The following ZNF16 variants were observed in gnomAD, a reference collection of about 807,000 sequenced individuals.
ZNF16 encodes zinc finger protein KOX9.
ZNF16 carries 7 observed loss-of-function variants against 9.0 expected under a neutral mutation model. The ratio of observed to expected loss-of-function variants is 0.78; its 90% CI spans 0.44 to 1.47. ZNF16 has a LOEUF of 1.47. Ranked by LOEUF, ZNF16 falls within the 40% of genes most tolerant of loss-of-function variation. The probability of loss-of-function intolerance (pLI) is 0.01; values close to 1 mark genes in which losing one functional copy is unlikely to be tolerated. For missense variants in ZNF16, 830 were observed against 854.2 expected, an observed-to-expected ratio of 0.97 and a Z score of 0.35; for synonymous variants, 312 against 301.5, an observed-to-expected ratio of 1.03 and a Z score of -0.36.
chr8:144,945,883 T>G, intron 2 of ZNF16, 128 bp downstream of exon 2: 2 of 1,463,326 alleles, frequency 1.4e-6, no homozygotes, highest in Non-Finnish European at 1.8e-6. Context: ...CTTGGCTCCT[T>G]GAGTCAGAGT....
rs187794841 is a variant in ZNF16, at chr8:144,950,039, T to C, written c.-10+758A>G. Among the ~76,000 whole-genome samples the C allele has an allele frequency of 2.4e-3, 364 of 152,332 alleles. 3 individuals are homozygous for C. Among genetic ancestry groups the C allele is most frequent in the Middle Eastern group, 0.014 (4 of 294 alleles). ...AGACAGGAGAAAAACTGCCCTATGG[T>C]GAGAGGTGAGACATGTTGGCAGCAA... is the stretch of plus-strand genomic sequence containing the variant. On this transcript the variant is annotated intron_variant, in intron 1 of 2. Coordinates refer to ENST00000394909, the MANE Select transcript of ZNF16 (RefSeq NM_006958.3).
intron 2 of ZNF16, among the ~76,000 whole-genome samples, chr8:144,935,751 C>T (rs1034911897): frequency 1.3e-5 from 2 of 152,178 alleles, no homozygotes; most frequent in Non-Finnish European, 2.9e-5. Flanking sequence ...AAGTCATAAA[C>T]CATGCTTGTG....
In ZNF16 at chr8:144,930,542, A is replaced by G; in HGVS notation, c.*196T>C. 1.8e-6 allele frequency: 1 copy of G among 556,076 alleles called. No homozygotes were observed. Among genetic ancestry groups the G allele is most frequent in the Admixed American group, 3.3e-5 (1 of 30,032 alleles). The allele number at this position is 556,076 out of a possible 1,614,324, so 34.4% of individuals were successfully genotyped here. A position where few individuals can be genotyped will look rare whatever the true frequency, so the allele number is the denominator to read the frequency against. On this transcript the variant is annotated 3_prime_UTR_variant, in exon 3 of 3. Coordinates refer to ENST00000394909, the MANE Select transcript of ZNF16 (RefSeq NM_006958.3). ...AAGCCCAAACCCAAGACATCACAAG[A>G]GGCAAGAGCAGTGGCAGTGAGAAGG...
At chr8:144,941,976 ATTTTT>A (rs1000299480) in intron 2 of ZNF16, among the ~76,000 whole-genome samples, 1 of 92,052 alleles carries the variant, frequency 1.1e-5, no homozygotes. Flanking sequence ...CATTTTTAAG[ATTTTT>A]TTTTTTTTTT....
intron 2 of ZNF16, among the ~76,000 whole-genome samples, chr8:144,934,211 T>TG (rs1258144024): frequency 6.6e-6 from 1 of 152,178 alleles, no homozygotes; most frequent in Non-Finnish European, 1.5e-5. Flanking sequence ...TGCACCCACG[T>TG]GTCTCTTGGT....
Position 144,930,987 on chromosome 8 carries a change from G to A in ZNF16, c.1800C>T (p.Pro600=). ...CCTTACCACATTCAACACAGGTGTAGGGTTTTTCCCCAGTATGAACTTTCT... is the reference window on the plus strand; with the variant it reads ...CCTTACCACATTCAACACAGGTGTAAGGTTTTTCCCCAGTATGAACTTTCT... ...HHQKVHTGEK[P]YTCVECGKGF... The change falls in exon 3 of 3, where the codon CCC becomes CCT. Residue 600 remains proline (P), a synonymous_variant. Coordinates refer to ENST00000394909, the MANE Select transcript of ZNF16 (RefSeq NM_006958.3). The A allele has an allele frequency of 6.2e-7, 1 of 1,614,210 alleles. No homozygotes were observed. Among genetic ancestry groups the A allele is most frequent in the South Asian group, 1.1e-5 (1 of 91,088 alleles).
At chr8:144,942,979 C>G (rs1019106736) in intron 2 of ZNF16, among the ~76,000 whole-genome samples, 5 of 152,206 alleles carry the variant, frequency 3.3e-5, no homozygotes, top group African/African-American at 1.2e-4. Flanking sequence ...GTCTAGTGTT[C>G]TTTCATTTCA....
chr8:144,931,476 G>T lies in ZNF16; in HGVS notation c.1311C>A (p.Asp437Glu). The change falls in exon 3 of 3, where the codon GAC becomes GAA. Residue 437 changes from aspartate to glutamate, a missense_variant. Physicochemically the swap from Asp to Glu is conservative, Grantham distance 45. Transcript: ENST00000394909. ...HTGEKPYKCS[D>E]CGKAFSQSSS... ...AGCTCTGACTAAATGCTTTCCCACA[G>T]TCACTGCACTTATAGGGCTTCTCTC... The T allele has an allele frequency of 6.2e-7, 1 of 1,613,476 alleles. No homozygotes were observed. The highest frequency in any genetic ancestry group is 8.5e-7 in the Non-Finnish European group (1 of 1,179,840).
intron 2 of ZNF16, among the ~76,000 whole-genome samples, chr8:144,936,862 G>A (rs898716611): frequency 7.2e-5 from 11 of 151,766 alleles, no homozygotes; most frequent in Non-Finnish European, 2.9e-5. Context: ...TCCCAGCTAA[G>A]TTTTGTATTT....
At chr8:144,938,382 T>C (rs958183806) in intron 2 of ZNF16, among the ~76,000 whole-genome samples, 2 of 152,252 alleles carry the variant, frequency 1.3e-5, no homozygotes, top group African/African-American at 4.8e-5. Flanking sequence ...TGTCTTCCAA[T>C]TCATGAACAC....
intron 1 of ZNF16, among the ~76,000 whole-genome samples, chr8:144,947,469 A>G (rs1833992824): frequency 6.6e-6 from 1 of 152,172 alleles, no homozygotes; most frequent in Non-Finnish European, 1.5e-5. Context: ...TGGGCAGGCC[A>G]GACCCACCTA....
At position 144,932,430 on chromosome 8, in the gene ZNF16, TC is replaced by T; in HGVS notation, c.356del (p.Gly119GlufsTer30). 2 of 1,614,162 alleles carry T rather than the reference TC, an allele frequency of 1.2e-6. No homozygotes were observed. The highest frequency in any genetic ancestry group is 1.1e-5 in the South Asian group (1 of 91,080). ...LCDDVSERDW[G>X]VPEGRRLPQS... ...GTGGCAGCCTCCTGCCTTCGGGGAC[TC>T]CCCAGTCTCTTTCTGATACATCATC... On this transcript the variant is annotated frameshift_variant, in exon 3 of 3. Coordinates refer to ENST00000394909, the MANE Select transcript of ZNF16 (RefSeq NM_006958.3). LOFTEE classifies it low-confidence loss of function (END_TRUNC). This position sits in a 1 kb window ranked among gnomAD's most constrained non-coding sequence, Gnocchi z 5.0.
At chr8:144,935,771 C>T (rs1326024582) in intron 2 of ZNF16, among the ~76,000 whole-genome samples, 2 of 152,184 alleles carry the variant, frequency 1.3e-5, no homozygotes, top group East Asian at 1.9e-4. Flanking sequence ...GTGAATGCCA[C>T]GTGTGGCTGT....
rs113708793 is a variant in ZNF16, at chr8:144,931,324, G to A, written c.1463C>T (p.Pro488Leu). The change falls in exon 3 of 3, where the codon CCG (proline) becomes CTG (leucine). Residue 488 changes from proline (P) to leucine (L), a missense_variant. Physicochemically the swap from Pro to Leu is moderately conservative, Grantham distance 98. Coordinates refer to ENST00000394909, the MANE Select transcript of ZNF16 (RefSeq NM_006958.3). ...CTTCCCACAGACACTGCATCTGTAC[G>A]GCTTCTCTCCCGTGTGGATGATCTG... ...KHQIIHTGEK[P>L]YRCSVCGKAF... 31 of 1,614,084 alleles carry A rather than the reference G, an allele frequency of 1.9e-5. No homozygotes were observed. Among genetic ancestry groups the A allele is most frequent in the South Asian group, 4.4e-5 (4 of 91,090 alleles).
At chr8:144,945,970 C>T in intron 2 of ZNF16, 41 bp downstream of exon 2, 1 of 1,608,386 alleles carries the variant, frequency 6.2e-7, no homozygotes, top group Non-Finnish European at 8.5e-7. Context: ...ACATCACTTC[C>T]CCAGAATAAG....
chr8:144,940,686 T>C lies in ZNF16; in HGVS notation c.196+5325A>G, dbSNP rs541228956. ...CTTCTTTTCTGAATGGAGTATTTTA[T>C]ATACTTCTGTCTTAGCCCATTTGGG... is the stretch of plus-strand genomic sequence containing the variant. On this transcript the variant is annotated intron_variant, in intron 2 of 2. Transcript: ENST00000394909. Among the ~76,000 whole-genome samples the C allele has an allele frequency of 1.3e-4, 20 of 152,368 alleles. No homozygotes were observed. The South Asian group carries it at 3.7e-3, about 28-fold the overall frequency.
At chr8:144,936,115 T>G (rs980259773) in intron 2 of ZNF16, among the ~76,000 whole-genome samples, 3 of 152,200 alleles carry the variant, frequency 2.0e-5, no homozygotes, top group African/African-American at 4.8e-5. Context: ...CAACCACTAA[T>G]CTGTATTCTG....
At chr8:144,936,064 T>C (rs904439798) in intron 2 of ZNF16, among the ~76,000 whole-genome samples, 1 of 152,188 alleles carries the variant, frequency 6.6e-6, no homozygotes, top group African/African-American at 2.4e-5. Context: ...TCTTACCCAT[T>C]AAGCAGTTTA....
intron 2 of ZNF16, among the ~76,000 whole-genome samples, chr8:144,935,664 A>T (rs1244893278): frequency 6.6e-6 from 1 of 152,222 alleles, no homozygotes; most frequent in East Asian, 1.9e-4. Context: ...TTCTGTGAAG[A>T]GGAAACACAT....
Sources: allele counts gnomAD v4.1 joint callset (sites outside exome capture counted in the v4.1 genomes callset), GRCh38; gene constraint gnomAD v4.1.1; non-coding constraint Gnocchi (gnomAD v3.1); transcripts MANE v1.5; gene names NCBI Gene and HGNC (gene_info 2026-07-23, HGNC 2026-07-21).